RASGEF1A: variants seen among roughly 807,000 people sequenced by gnomAD.
RASGEF1A encodes the protein ras-GEF domain-containing family member 1A.
RASGEF1A carries 18 observed loss-of-function variants against 56.4 expected under a neutral mutation model. The ratio of observed to expected loss-of-function variants is 0.32; its 90% confidence interval spans 0.22 to 0.47. The LOEUF (loss-of-function observed/expected upper bound fraction) is 0.47, where lower values mean the gene tolerates loss of function less well. Among genes scored for constraint, RASGEF1A ranks in the 20% least tolerant of loss-of-function variants. The probability of loss-of-function intolerance (pLI) is 1.00; values close to 1 mark genes in which losing one functional copy is unlikely to be tolerated. For missense variants in RASGEF1A, 422 were observed against 627.1 expected (o/e 0.67, Z 3.49); for synonymous variants, 245 against 242.6 (o/e 1.01, Z -0.09).
At chr10:43,217,360 C>T (rs1840150732) in intron 1 of RASGEF1A, among the ~76,000 whole-genome samples, 1 of 152,210 alleles carries the variant, frequency 6.6e-6, no homozygotes, top group Non-Finnish European at 1.5e-5. Flanking sequence ...CATGCTCCCT[C>T]TTCCCACGCC....
At chr10:43,249,858 G>A (rs938277291) in intron 1 of RASGEF1A, among the ~76,000 whole-genome samples, 1 of 152,252 alleles carries the variant, frequency 6.6e-6, no homozygotes, top group Non-Finnish European at 1.5e-5. Flanking sequence ...AGCTGCTGCA[G>A]CCACCAGGGT....
intron 2 of RASGEF1A, chr10:43,203,881 C>T: frequency 1.4e-6 from 1 of 713,256 alleles, no homozygotes; most frequent in Non-Finnish European, 1.7e-6. Context: ...GGGAGCAGGG[C>T]TGATCCATGG....
intron 1 of RASGEF1A, among the ~76,000 whole-genome samples, chr10:43,266,215 G>C (rs1191077516): frequency 6.6e-6 from 1 of 152,174 alleles, no homozygotes; most frequent in Non-Finnish European, 1.5e-5. Context: ...ACCAGAACCA[G>C]CTGCACCTGC....
chr10:43,202,081 C>T, intron 3 of RASGEF1A, 136 bp from the exon 4 acceptor site: 1 of 989,154 alleles, frequency 1.0e-6, no homozygotes, highest in South Asian at 2.6e-5. Flanking sequence ...TGCGTGCCAC[C>T]TGCGGTTTGG....
intron 1 of RASGEF1A, among the ~76,000 whole-genome samples, chr10:43,248,538 A>G (rs1452767918): frequency 6.6e-6 from 1 of 152,208 alleles, no homozygotes; most frequent in Admixed American, 6.5e-5. Flanking sequence ...TCCCACTACC[A>G]GGACAGCACT....
At chr10:43,206,663 G>A (rs1218353923) in intron 1 of RASGEF1A, 1 of 988,430 alleles carries the variant, frequency 1.0e-6, no homozygotes, top group Non-Finnish European at 1.2e-6. Flanking sequence ...CTGGGGCTCT[G>A]AGCACAGTGG....
At chr10:43,254,527 C>T (rs922795797) in intron 1 of RASGEF1A, among the ~76,000 whole-genome samples, 6 of 152,234 alleles carry the variant, frequency 3.9e-5, no homozygotes, top group Non-Finnish European at 8.8e-5. Context: ...CGCTAACCCC[C>T]GCCCCCGGAC....
chr10:43,226,434 C>T (rs1255860646), intron 1 of RASGEF1A, among the ~76,000 whole-genome samples: 3 of 151,940 alleles, frequency 2.0e-5, no homozygotes, highest in Non-Finnish European at 2.9e-5. Context: ...AAAACTCTGT[C>T]TCAAAAAAAG....
intron 1 of RASGEF1A, among the ~76,000 whole-genome samples, chr10:43,219,275 A>G (rs1564534385): frequency 6.6e-6 from 1 of 152,146 alleles, no homozygotes; most frequent in Non-Finnish European, 1.5e-5. Flanking sequence ...TGTGCCTCCC[A>G]GGGACAGAGC....
intron 1 of RASGEF1A, among the ~76,000 whole-genome samples, chr10:43,242,973 C>T (rs566556512): frequency 3.0e-4 from 45 of 152,138 alleles, no homozygotes; most frequent in Non-Finnish European, 4.7e-4. Context: ...AAGTGAGCAG[C>T]GTCTCTGCCT....
chr10:43,234,509 G>A lies in RASGEF1A; in HGVS notation c.-6-28387C>T, dbSNP rs117877320. Among the ~76,000 whole-genome samples the A allele has an allele frequency of 4.5e-4, 68 of 152,282 alleles. No individual in the cohort carries two copies. The Middle Eastern group carries it at 0.01, about 23-fold the overall frequency. On this transcript the variant is annotated intron_variant, in intron 1 of 12. Coordinates refer to ENST00000395810, the MANE Select transcript of RASGEF1A (RefSeq NM_145313.4). The stretch of plus-strand genomic sequence containing the variant: ...CAGACCTTGCAGAACAGAGAAGCAG[G>A]AGCCCAGTGCCCCACAGGGGGCTGA...
At chr10:43,198,684 A>G (rs1839840283) in intron 9 of RASGEF1A, among the ~76,000 whole-genome samples, 5 of 152,202 alleles carry the variant, frequency 3.3e-5, no homozygotes, top group Admixed American at 3.3e-4. Flanking sequence ...ACTCTTGTCA[A>G]ACTCTTGCTT....
intron 2 of RASGEF1A, 80 bp from the exon 3 acceptor site, chr10:43,203,500 C>T: frequency 2.8e-6 from 4 of 1,446,008 alleles, no homozygotes. Flanking sequence ...TCACCTGGCC[C>T]GGCTGCCTCC....
intron 1 of RASGEF1A, among the ~76,000 whole-genome samples, chr10:43,247,511 T>A (rs1166164091): frequency 6.6e-6 from 1 of 152,182 alleles, no homozygotes; most frequent in African/African-American, 2.4e-5. Flanking sequence ...ACAACCCAAA[T>A]ATCCATTAAC....
At chr10:43,264,876 T>C (rs982711742) in intron 1 of RASGEF1A, among the ~76,000 whole-genome samples, 1 of 152,130 alleles carries the variant, frequency 6.6e-6, no homozygotes, top group East Asian at 1.9e-4. Flanking sequence ...GCACAGCACC[T>C]TCACTTGACC....
intron 1 of RASGEF1A, among the ~76,000 whole-genome samples, chr10:43,214,171 C>T (rs528319567): frequency 2.0e-5 from 3 of 152,334 alleles, no homozygotes; most frequent in Non-Finnish European, 2.9e-5. Flanking sequence ...GCTGCAGCTA[C>T]GATGGAGGCC....
chr10:43,196,227 C>T lies in RASGEF1A; in HGVS notation c.*17G>A, dbSNP rs767447525. ...TTAGTGCACGTGCTTCCTCTGGCGT[C>T]GCGGGCTGCATCCGCCTCAGGCTCT... On this transcript the variant is annotated 3_prime_UTR_variant, in exon 13 of 13. Coordinates refer to ENST00000395810, the MANE Select transcript of RASGEF1A (RefSeq NM_145313.4). This position sits in a 1 kb window ranked among gnomAD's most constrained non-coding sequence, Gnocchi z 4.6. 37 of 1,612,452 alleles carry T rather than the reference C, an allele frequency of 2.3e-5. 3 individuals are homozygous for T. The South Asian group carries it at 3.0e-4, about 13-fold the overall frequency.
intron 7 of RASGEF1A, 146 bp from the exon 8 acceptor site, chr10:43,199,340 G>A: frequency 1.5e-6 from 1 of 686,546 alleles, no homozygotes; most frequent in Admixed American, 2.1e-5. Context: ...GGCTGCGTCT[G>A]GGAGGTCCAG....
chr10:43,227,453 T>G (rs75465756), intron 1 of RASGEF1A, among the ~76,000 whole-genome samples: 1 of 152,154 alleles, frequency 6.6e-6, no homozygotes, highest in African/African-American at 2.4e-5. Flanking sequence ...CTCCTTCCCC[T>G]GGCCTGTGCC....
Sources: allele counts gnomAD v4.1 joint callset (sites outside exome capture counted in the v4.1 genomes callset), GRCh38; gene constraint gnomAD v4.1.1; non-coding constraint Gnocchi (gnomAD v3.1); transcripts MANE v1.5; gene names NCBI Gene and HGNC (gene_info 2026-07-23, HGNC 2026-07-21).